Variants in NRG1 observed in about 807,000 individuals in gnomAD.
NRG1 encodes neuregulin 1, also known as pro-neuregulin-1, membrane-bound isoform.
A neutral mutation model predicts 63.8 loss-of-function variants in NRG1; 18 were observed. That is an observed-to-expected ratio of 0.28 (90% CI 0.19 to 0.42). The LOEUF (loss-of-function observed/expected upper bound fraction) is 0.42, where lower values mean the gene tolerates loss of function less well. NRG1 is among the 10% of genes least tolerant of loss of function. The pLI, the probability that NRG1 is intolerant of heterozygous loss-of-function variation, is 1.00. For missense variants in NRG1, 762 were observed against 814.7 expected (o/e 0.94, Z 0.79); for synonymous variants, 302 against 301.3 (o/e 1.00, Z -0.02).
intron 1 of NRG1, among the ~76,000 whole-genome samples, chr8:32,148,040 A>G (rs1343008284): frequency 6.6e-6 from 1 of 152,178 alleles, no homozygotes; most frequent in Non-Finnish European, 1.5e-5. Context: ...TTATAATGTG[A>G]AAACAAAGGT....
chr8:32,578,466 C>T (rs1840060083), intron 1 of NRG1, among the ~76,000 whole-genome samples: 2 of 91,416 alleles, frequency 2.2e-5, no homozygotes, highest in South Asian at 8.2e-4. Context: ...CATTCTCTGT[C>T]CTCCTTTTTT....
chr8:32,090,639 A>G (rs1828992086), intron 1 of NRG1, among the ~76,000 whole-genome samples: 2 of 152,162 alleles, frequency 1.3e-5, no homozygotes, highest in Non-Finnish European at 2.9e-5. Flanking sequence ...AATATTTTTG[A>G]AACTATGAGC....
chr8:32,379,597 C>T (rs1810079984), intron 1 of NRG1, among the ~76,000 whole-genome samples: 1 of 152,204 alleles, frequency 6.6e-6, no homozygotes, highest in South Asian at 2.1e-4. Context: ...TGAGCTCCTA[C>T]AGGATGCCAT....
chr8:32,765,815 T>C (rs1831384360), exon 12 of NRG1: 2 of 152,190 alleles, frequency 1.3e-5, no homozygotes, highest in African/African-American at 4.8e-5. Flanking sequence ...TTTACTGTCA[T>C]AAAGTAGGAC....
intron 1 of NRG1, among the ~76,000 whole-genome samples, chr8:32,538,487 G>A (rs1832249554): frequency 6.6e-6 from 1 of 152,160 alleles, no homozygotes; most frequent in African/African-American, 2.4e-5. Flanking sequence ...GCACAGAGTA[G>A]GTGAATGTGA....
chr8:32,277,292 G>T (rs1244628107), intron 1 of NRG1, among the ~76,000 whole-genome samples: 7 of 151,864 alleles, frequency 4.6e-5, no homozygotes, highest in Non-Finnish European at 8.8e-5. Flanking sequence ...TTATATTTAG[G>T]GAAATATTTT....
chr8:31,670,944 C>T (rs1185005458), intron 1 of NRG1, among the ~76,000 whole-genome samples: 4 of 152,050 alleles, frequency 2.6e-5, no homozygotes, highest in Admixed American at 2.6e-4. Flanking sequence ...TTTTTCAGTT[C>T]TCACCCTTCT....
intron 1 of NRG1, among the ~76,000 whole-genome samples, chr8:32,198,890 A>G (rs1843222733): frequency 6.6e-6 from 1 of 151,670 alleles, no homozygotes; most frequent in African/African-American, 2.4e-5. Flanking sequence ...CTTAATATAT[A>G]TATATATCTT....
chr8:32,204,995 A>G (rs1843881553), intron 1 of NRG1, among the ~76,000 whole-genome samples: 1 of 152,212 alleles, frequency 6.6e-6, no homozygotes, highest in African/African-American at 2.4e-5. Flanking sequence ...AACTAATTAA[A>G]TAATGTGTGG....
intron 5 of NRG1, among the ~76,000 whole-genome samples, chr8:32,631,119 T>C (rs1286046010): frequency 6.6e-6 from 1 of 152,206 alleles, no homozygotes; most frequent in Non-Finnish European, 1.5e-5. Flanking sequence ...ACCTCTTTTA[T>C]ACCAGTTGTA....
intron 5 of NRG1, among the ~76,000 whole-genome samples, chr8:32,642,312 G>A (rs903761170): frequency 1.3e-5 from 2 of 152,194 alleles, no homozygotes; most frequent in African/African-American, 4.8e-5. Context: ...ATCAAATACT[G>A]ATAGTCTTTG....
At chr8:31,708,834 T>C (rs547729466) in intron 1 of NRG1, among the ~76,000 whole-genome samples, 2 of 152,134 alleles carry the variant, frequency 1.3e-5, no homozygotes, top group Admixed American at 1.3e-4. Context: ...TAGTTGACCC[T>C]TGAACAATGG....
intron 1 of NRG1, among the ~76,000 whole-genome samples, chr8:31,945,678 C>T (rs1268149305): frequency 1.3e-5 from 2 of 152,180 alleles, no homozygotes; most frequent in Non-Finnish European, 2.9e-5. Flanking sequence ...AGCTCCCTTT[C>T]GACAGGTCCT....
intron 7 of NRG1, chr8:32,751,274 G>T (rs3757934): frequency 0.095 from 14,416 of 152,188 alleles, 780 homozygotes; most frequent in Admixed American, 0.1. Flanking sequence ...AAAGGTAAGG[G>T]CTCTGTTTCT....
At chr8:31,781,180 A>G (rs1167642246) in intron 1 of NRG1, among the ~76,000 whole-genome samples, 5 of 152,280 alleles carry the variant, frequency 3.3e-5, no homozygotes, top group African/African-American at 1.2e-4. Context: ...TTCTGGATGA[A>G]GAAGAGGAAA....
At chr8:31,971,223 C>T (rs1054674826) in intron 1 of NRG1, among the ~76,000 whole-genome samples, 2 of 151,790 alleles carry the variant, frequency 1.3e-5, no homozygotes, top group Non-Finnish European at 2.9e-5. Context: ...TTTTCCAAGT[C>T]TGGCTTTTCA....
intron 1 of NRG1, among the ~76,000 whole-genome samples, chr8:31,894,428 A>T (rs1392949873): frequency 6.6e-6 from 1 of 152,222 alleles, no homozygotes; most frequent in Non-Finnish European, 1.5e-5. Context: ...AAAAGTGCTT[A>T]TGATATAATG....
chr8:32,288,498 A>G (rs1396837063), intron 1 of NRG1, among the ~76,000 whole-genome samples: 1 of 152,174 alleles, frequency 6.6e-6, no homozygotes, highest in Non-Finnish European at 1.5e-5. Flanking sequence ...TGTTTATTCA[A>G]TTTGGAAAGC....
intron 1 of NRG1, among the ~76,000 whole-genome samples, chr8:31,691,543 C>G (rs997443984): frequency 8.4e-6 from 1 of 118,974 alleles, no homozygotes; most frequent in South Asian, 2.9e-4. Context: ...TGCAGTGAGC[C>G]GAGATTGTGC....
Sources: allele counts gnomAD v4.1 joint callset (sites outside exome capture counted in the v4.1 genomes callset), GRCh38; gene constraint gnomAD v4.1.1; transcripts MANE v1.5; gene names NCBI Gene and HGNC (gene_info 2026-07-23, HGNC 2026-07-21).